Variants in VPS13B observed in about 807,000 individuals in gnomAD.
The protein encoded by VPS13B is intermembrane lipid transfer protein VPS13B.
In VPS13B, 285 loss-of-function variants were observed where a neutral mutation model predicts 426.4. The ratio of observed to expected loss-of-function variants is 0.67; its 90% CI spans 0.61 to 0.74. The LOEUF is 0.74. Among genes scored for constraint, VPS13B ranks in the 30% least tolerant of loss-of-function variants. The probability of loss-of-function intolerance (pLI) is 0.00; values close to 1 mark genes in which losing one functional copy is unlikely to be tolerated. For synonymous variants in VPS13B, 1,676 were observed against 1,676.4 expected (o/e 1.00, Z 0.01); for missense variants, 4,537 against 4,782.6 (o/e 0.95, Z 1.51).
intron 17 of VPS13B, among the ~76,000 whole-genome samples, chr8:99,249,705 G>A (rs981508816): frequency 6.6e-6 from 1 of 152,000 alleles, no homozygotes; most frequent in East Asian, 1.9e-4. Context: ...TTACAGATGT[G>A]AGCCACCGCG....
At chr8:99,312,866 T>A (rs1291025753) in intron 19 of VPS13B, among the ~76,000 whole-genome samples, 2 of 152,212 alleles carry the variant, frequency 1.3e-5, no homozygotes, top group Non-Finnish European at 2.9e-5. Context: ...TTTGTTCATT[T>A]CTTTTTACTC....
chr8:99,133,599 G>A (rs1809917512), intron 8 of VPS13B, among the ~76,000 whole-genome samples: 1 of 152,130 alleles, frequency 6.6e-6, no homozygotes. Context: ...TTGATTTAAA[G>A]TGAGAGACAG....
chr8:99,066,211 A>C (rs1427880678), intron 3 of VPS13B, among the ~76,000 whole-genome samples: 2 of 152,274 alleles, frequency 1.3e-5, no homozygotes, highest in African/African-American at 4.8e-5. Context: ...CTAAGCCAAA[A>C]GAACAAAGCT....
At chr8:99,604,039 A>G (rs535721471) in intron 33 of VPS13B, among the ~76,000 whole-genome samples, 68 of 152,328 alleles carry the variant, frequency 4.5e-4, no homozygotes, top group Non-Finnish European at 8.2e-4. Flanking sequence ...AGGCATAAAA[A>G]CACAATGTAA....
At chr8:99,479,374 A>T (rs142877048) in intron 24 of VPS13B, among the ~76,000 whole-genome samples, 6 of 152,352 alleles carry the variant, frequency 3.9e-5, no homozygotes, top group Non-Finnish European at 8.8e-5. Context: ...TACACAAGAC[A>T]TTGTTGATAT....
intron 19 of VPS13B, among the ~76,000 whole-genome samples, chr8:99,365,903 T>C (rs773861823): frequency 6.6e-6 from 1 of 152,110 alleles, no homozygotes; most frequent in Non-Finnish European, 1.5e-5. Flanking sequence ...GTTCCTCTTG[T>C]TACTGATTTG....
At chr8:99,592,904 A>G (rs1826764951) in intron 33 of VPS13B, among the ~76,000 whole-genome samples, 1 of 152,164 alleles carries the variant, frequency 6.6e-6, no homozygotes, top group African/African-American at 2.4e-5. Context: ...ACCATATGCA[A>G]AAGTTAACTC....
chr8:99,524,048 TC>T (rs1822518340), intron 30 of VPS13B, among the ~76,000 whole-genome samples: 1 of 152,048 alleles, frequency 6.6e-6, no homozygotes, highest in Non-Finnish European at 1.5e-5. Flanking sequence ...GAGATTGAAA[TC>T]ATTTAAAAGA....
At chr8:99,375,191 G>A (rs568455617) in intron 19 of VPS13B, among the ~76,000 whole-genome samples, 2 of 152,152 alleles carry the variant, frequency 1.3e-5, no homozygotes, top group African/African-American at 4.8e-5. Context: ...TCCCCCAACT[G>A]GGTCTTTTGA....
Position 99,641,806 on chromosome 8 carries a change from T to C in VPS13B, c.5221-5T>C, listed in dbSNP as rs761788793. ...TTGAAATATTTTATTACTTTTTTCT[T>C]ACAGATCTCTAAACAAGAACAGAAA... On this transcript the variant is annotated splice_region_variant and splice_polypyrimidine_tract_variant and intron_variant, in intron 33 of 61. Transcript: ENST00000357162. 4.4e-6 allele frequency: 7 copies of C among 1,606,138 alleles called. No homozygotes were observed. Among genetic ancestry groups the C allele is most frequent in the African/African-American group, 1.3e-5 (1 of 74,788 alleles).
chr8:99,361,185 A>T (rs542297485), intron 19 of VPS13B, among the ~76,000 whole-genome samples: 11 of 152,364 alleles, frequency 7.2e-5, no homozygotes, highest in African/African-American at 2.6e-4. Flanking sequence ...TCATTAGAAG[A>T]GAATCAGAAT....
intron 33 of VPS13B, among the ~76,000 whole-genome samples, chr8:99,582,408 C>G (rs758656069): frequency 1.3e-5 from 2 of 152,134 alleles, no homozygotes; most frequent in Non-Finnish European, 2.9e-5. Flanking sequence ...AATGGCCTAT[C>G]ATATCTTGAT....
chr8:99,458,992 C>A (rs1818684929), intron 23 of VPS13B, among the ~76,000 whole-genome samples: 1 of 152,120 alleles, frequency 6.6e-6, no homozygotes, highest in Non-Finnish European at 1.5e-5. Context: ...GAAGTCCTTG[C>A]CCATGCCCAT....
At chr8:99,079,360 G>A (rs1483496047) in intron 3 of VPS13B, among the ~76,000 whole-genome samples, 1 of 152,218 alleles carries the variant, frequency 6.6e-6, no homozygotes, top group Admixed American at 6.5e-5. Context: ...GACACCTGTG[G>A]CTGTGGTGGC....
At chr8:99,454,987 G>T (rs1205863056) in intron 23 of VPS13B, among the ~76,000 whole-genome samples, 1 of 152,072 alleles carries the variant, frequency 6.6e-6, no homozygotes, top group African/African-American at 2.4e-5. Flanking sequence ...AAATTGTTGA[G>T]TTTTCTTTGT....
intron 35 of VPS13B, among the ~76,000 whole-genome samples, chr8:99,688,000 G>GA (rs1831489829): frequency 6.6e-6 from 1 of 151,926 alleles, no homozygotes; most frequent in South Asian, 2.1e-4. Context: ...AACTGGCAAA[G>GA]AAAGGGTACA....
chr8:99,040,433 T>G (rs1454346872), intron 3 of VPS13B, among the ~76,000 whole-genome samples: 1 of 152,190 alleles, frequency 6.6e-6, no homozygotes, highest in Non-Finnish European at 1.5e-5. Context: ...TTAGAAAGGA[T>G]TTTTGAAAAT....
chr8:99,707,694 G>A (rs1480805993), intron 36 of VPS13B, among the ~76,000 whole-genome samples: 1 of 152,052 alleles, frequency 6.6e-6, no homozygotes, highest in African/African-American at 2.4e-5. Flanking sequence ...ATACCTCATG[G>A]ACCACCATTA....
At position 99,717,078 on chromosome 8, in the gene VPS13B, T is replaced by C. The variant is rs192583321; in HGVS notation, c.6455-93T>C. Reference sequence around the variant, plus strand: ...CAAGCAAGACGACTCTGACAAAGGATGAATTAATACTCTTCAAAAATATAG... The same window carrying C: ...CAAGCAAGACGACTCTGACAAAGGACGAATTAATACTCTTCAAAAATATAG... On this transcript the variant is annotated intron_variant, in intron 36 of 61. Coordinates refer to ENST00000357162, the MANE Select transcript of VPS13B (RefSeq NM_152564.5). 4.5e-5 allele frequency: 57 copies of C among 1,254,220 alleles called. No homozygotes were observed. In the East Asian group the frequency reaches 1.4e-3, roughly 30 times the overall value. 77.7% of individuals were successfully genotyped at this position (1,254,220 alleles called of 1,614,324 possible).
Sources: allele counts gnomAD v4.1 joint callset (sites outside exome capture counted in the v4.1 genomes callset), GRCh38; gene constraint gnomAD v4.1.1; transcripts MANE v1.5; gene names NCBI Gene and HGNC (gene_info 2026-07-23, HGNC 2026-07-21).